CSMD1: variants seen among roughly 807,000 people sequenced by gnomAD.
CSMD1 encodes CUB and sushi domain-containing protein 1.
Under a neutral mutation model 417.5 loss-of-function variants are expected in CSMD1, and 213 were observed. The observed-to-expected ratio is 0.51, with a 90% CI of 0.46 to 0.57. CSMD1 has a LOEUF of 0.57. Among genes scored for constraint, CSMD1 ranks in the 20% least tolerant of loss-of-function variants. CSMD1 has a pLI of 0.00. For missense variants in CSMD1, 6,923 were observed against 4,529.7 expected (o/e 1.53, Z -15.17); for synonymous variants, 2,862 against 1,736.8 (o/e 1.65, Z -16.11).
intron 1 of CSMD1, among the ~76,000 whole-genome samples, chr8:4,679,429 T>C (rs1805900961): frequency 6.6e-6 from 1 of 152,228 alleles, no homozygotes; most frequent in African/African-American, 2.4e-5. Flanking sequence ...AAGTAGTAAT[T>C]CCGCCCTGTT....
chr8:4,565,488 A>T (rs1328068730), intron 2 of CSMD1, among the ~76,000 whole-genome samples: 2 of 152,056 alleles, frequency 1.3e-5, no homozygotes, highest in African/African-American at 2.4e-5. Flanking sequence ...CTGTAATCCC[A>T]GCACTTAAGG....
At chr8:3,750,915 G>A (rs1012039183) in intron 6 of CSMD1, among the ~76,000 whole-genome samples, 4 of 152,108 alleles carry the variant, frequency 2.6e-5, no homozygotes, top group African/African-American at 9.7e-5. Flanking sequence ...TAATCGTAGT[G>A]CCTTTCTGCG....
intron 2 of CSMD1, among the ~76,000 whole-genome samples, chr8:4,547,561 GATAAACC>G (rs1471753796): frequency 6.6e-6 from 1 of 152,078 alleles, no homozygotes; most frequent in Admixed American, 6.6e-5. Flanking sequence ...TAGATACTTG[GATAAACC>G]ATCATCTATC....
intron 8 of CSMD1, among the ~76,000 whole-genome samples, chr8:3,591,866 G>A (rs1195799274): frequency 2.0e-5 from 3 of 152,110 alleles, no homozygotes; most frequent in African/African-American, 7.2e-5. Context: ...ATAGATGATA[G>A]ATGAATAGAT....
At chr8:3,307,936 ATC>A in intron 24 of CSMD1, 115 bp from the exon 25 acceptor site, 1 of 1,126,310 alleles carries the variant, frequency 8.9e-7, no homozygotes, top group Non-Finnish European at 1.2e-6. Flanking sequence ...GAGAAAAAGA[ATC>A]ACCATCATCT....
At chr8:4,751,190 G>A (rs1189860559) in intron 1 of CSMD1, among the ~76,000 whole-genome samples, 2 of 152,184 alleles carry the variant, frequency 1.3e-5, no homozygotes, top group Non-Finnish European at 2.9e-5. Flanking sequence ...TTCCAGACCA[G>A]CCTGGCCAAC....
At chr8:4,169,746 C>G (rs1054157979) in intron 3 of CSMD1, among the ~76,000 whole-genome samples, 3 of 152,268 alleles carry the variant, frequency 2.0e-5, no homozygotes, top group African/African-American at 7.2e-5. Flanking sequence ...GGTTCAAACG[C>G]CCCCTTGAGG....
intron 5 of CSMD1, among the ~76,000 whole-genome samples, chr8:3,802,395 T>C (rs1486261111): frequency 1.3e-5 from 2 of 152,182 alleles, no homozygotes; most frequent in African/African-American, 4.8e-5. Context: ...AGGGACAATG[T>C]TGCATCATTT....
intron 1 of CSMD1, among the ~76,000 whole-genome samples, chr8:4,928,107 G>T (rs1049928088): frequency 1.3e-5 from 2 of 152,034 alleles, no homozygotes; most frequent in Non-Finnish European, 2.9e-5. Context: ...CTCATCCTCA[G>T]CCCACTTTGC....
chr8:4,027,210 T>G (rs1325660570), intron 4 of CSMD1, among the ~76,000 whole-genome samples: 1 of 152,134 alleles, frequency 6.6e-6, no homozygotes, highest in Non-Finnish European at 1.5e-5. Context: ...TGTTGAAGGT[T>G]TGTACTTTAT....
intron 3 of CSMD1, among the ~76,000 whole-genome samples, chr8:4,123,013 G>C (rs754554878): frequency 2.6e-5 from 4 of 152,196 alleles, no homozygotes; most frequent in Admixed American, 2.6e-4. Flanking sequence ...TTCCAGCTTT[G>C]ACAAATTACA....
chr8:4,741,510 T>C (rs1300720093), intron 1 of CSMD1, among the ~76,000 whole-genome samples: 2 of 152,194 alleles, frequency 1.3e-5, no homozygotes, highest in Admixed American at 1.3e-4. Flanking sequence ...TCCGTAAGCA[T>C]GATCAAAACA....
intron 3 of CSMD1, among the ~76,000 whole-genome samples, chr8:4,354,059 ATCATTT>A (rs1801256099): frequency 6.6e-6 from 1 of 152,196 alleles, no homozygotes; most frequent in South Asian, 2.1e-4. Flanking sequence ...GCAGCTATAT[ATCATTT>A]CAGAAATCTG....
intron 2 of CSMD1, among the ~76,000 whole-genome samples, chr8:4,481,832 G>A (rs1326361138): frequency 6.6e-6 from 1 of 152,124 alleles, no homozygotes; most frequent in African/African-American, 2.4e-5. Context: ...ATCCCAGGAG[G>A]TAGGTACTCC....
chr8:4,644,097 T>C (rs1324418682), intron 1 of CSMD1, among the ~76,000 whole-genome samples: 3 of 152,318 alleles, frequency 2.0e-5, no homozygotes, highest in Middle Eastern at 3.4e-3. Context: ...TTTCTCACTG[T>C]GGAGTCTTTG....
chr8:4,421,290 A>C (rs927365057), intron 2 of CSMD1, among the ~76,000 whole-genome samples: 2 of 152,204 alleles, frequency 1.3e-5, no homozygotes, highest in Non-Finnish European at 2.9e-5. Flanking sequence ...CCTGTGACTG[A>C]AGACCAGCAA....
intron 11 of CSMD1, among the ~76,000 whole-genome samples, chr8:3,478,034 T>G (rs533244988): frequency 1.9e-4 from 29 of 152,274 alleles, no homozygotes; most frequent in African/African-American, 6.7e-4. Context: ...TATACTGAAG[T>G]TACTATCATT....
intron 1 of CSMD1, among the ~76,000 whole-genome samples, chr8:4,781,047 A>C (rs570333795): frequency 6.6e-6 from 1 of 152,294 alleles, no homozygotes; most frequent in South Asian, 2.1e-4. Context: ...CCTGCTTCTG[A>C]ACCTCATTTT....
intron 37 of CSMD1, among the ~76,000 whole-genome samples, chr8:3,178,272 G>T (rs1013922077): frequency 6.6e-6 from 1 of 151,896 alleles, no homozygotes; most frequent in African/African-American, 2.4e-5. Context: ...TGGTTAAGGG[G>T]GCCTTGTTTT....
Sources: gnomAD v4.1 joint callset for allele counts (sites outside exome capture counted in the v4.1 genomes callset) on GRCh38, gnomAD v4.1.1 for gene constraint, MANE v1.5 for transcripts, NCBI Gene and HGNC (gene_info 2026-07-23, HGNC 2026-07-21) for gene names.